Variants in SHQ1 observed in about 807,000 individuals in gnomAD.
SHQ1 encodes the protein protein SHQ1 homolog.
In SHQ1, 49 loss-of-function variants were observed where a neutral mutation model predicts 53.8. The ratio of observed to expected loss-of-function variants is 0.91; its 90% confidence interval spans 0.72 to 1.16. SHQ1 has a LOEUF of 1.16. SHQ1 is among the 50% of genes most tolerant of loss of function. The pLI, the probability that SHQ1 is intolerant of heterozygous loss-of-function variation, is 0.00. For synonymous variants in SHQ1, 243 were observed against 251.0 expected (o/e 0.97, Z 0.30); for missense variants, 738 against 683.1 (o/e 1.08, Z -0.90).
intron 8 of SHQ1, among the ~76,000 whole-genome samples, chr3:72,813,237 C>A (rs1046478011): frequency 2.0e-5 from 3 of 151,950 alleles, no homozygotes; most frequent in African/African-American, 7.3e-5. Flanking sequence ...GGACTCCAGG[C>A]GGGTGGATCA....
At chr3:72,828,380 C>T (rs530874714) in intron 5 of SHQ1, among the ~76,000 whole-genome samples, 2 of 152,142 alleles carry the variant, frequency 1.3e-5, no homozygotes, top group African/African-American at 4.8e-5. Context: ...AAAGGGATAC[C>T]ATGATAAAAG....
chr3:72,824,781 T>C (rs1707597056), intron 5 of SHQ1, among the ~76,000 whole-genome samples: 1 of 134,990 alleles, frequency 7.4e-6, no homozygotes, highest in Admixed American at 7.5e-5. Flanking sequence ...ATAACATTGC[T>C]GATCTCTTTT....
At chr3:72,746,593 T>A (rs1482702523), downstream of SHQ1, among the ~76,000 whole-genome samples, 1 of 152,214 alleles carries the variant, frequency 6.6e-6, no homozygotes, top group Non-Finnish European at 1.5e-5. Flanking sequence ...TCACTCACGT[T>A]GTCTTTAATA....
chr3:72,816,099 G>A (rs192658287), intron 7 of SHQ1, among the ~76,000 whole-genome samples: 5 of 152,158 alleles, frequency 3.3e-5, no homozygotes, highest in Admixed American at 2.6e-4. Flanking sequence ...AGTCATCTTG[G>A]AGTCAGACAC....
chr3:72,845,811 C>T (rs889841860), intron 1 of SHQ1, among the ~76,000 whole-genome samples: 4 of 152,128 alleles, frequency 2.6e-5, no homozygotes, highest in Non-Finnish European at 4.4e-5. Context: ...GACCTTTAAT[C>T]CCAAGGTTTC....
At chr3:72,726,758 C>T in the SHQ1 span, among the ~76,000 whole-genome samples, 13 of 152,160 alleles carry the variant, frequency 8.5e-5, no homozygotes, top group Admixed American at 6.5e-5. Context: ...TGAGACACCT[C>T]GGGATGATTG....
the SHQ1 span, among the ~76,000 whole-genome samples, chr3:72,740,214 G>A: frequency 6.6e-6 from 1 of 152,210 alleles, no homozygotes; most frequent in East Asian, 1.9e-4. Context: ...CATTTCAGTG[G>A]CCAGTGATGA....
At chr3:72,763,078 G>A (rs370990276) in intron 10 of SHQ1, among the ~76,000 whole-genome samples, 82 of 151,918 alleles carry the variant, frequency 5.4e-4, no homozygotes, top group African/African-American at 2.0e-3. Context: ...GAGAGAGAGA[G>A]AGAGAGAGAA....
chr3:72,753,705 G>C (rs939683145), intron 10 of SHQ1: 1 of 867,964 alleles, frequency 1.2e-6, no homozygotes, highest in Admixed American at 6.2e-5. Context: ...ATCCACTAGA[G>C]TCAGTTAATG....
the SHQ1 span, among the ~76,000 whole-genome samples, chr3:72,739,686 G>C: frequency 2.6e-5 from 4 of 152,234 alleles, no homozygotes; most frequent in East Asian, 5.8e-4. Flanking sequence ...CAGAAAACCA[G>C]GATGTGTCAG....
In SHQ1 at chr3:72,812,692, T is replaced by G; in HGVS notation, c.1039A>C (p.Thr347Pro). ...FKLVMKAYRD[T>P]IKILQLGKSA... ...TTACCCAGTTGCAATATCTTTATAG[T>G]GTCCCTGTAGGCCTTCATCACCAGC... Residue 347 changes from threonine to proline, a missense_variant, in exon 9 of 11, where the codon ACT (threonine) becomes CCT (proline). Transcript: ENST00000325599. 1 of 1,614,094 alleles carries G rather than the reference T, an allele frequency of 6.2e-7. No homozygotes were observed. Among genetic ancestry groups the G allele is most frequent in the Non-Finnish European group, 8.5e-7 (1 of 1,179,970 alleles).
At chr3:72,771,420 T>C (rs1340420512) in intron 10 of SHQ1, among the ~76,000 whole-genome samples, 1 of 152,210 alleles carries the variant, frequency 6.6e-6, no homozygotes, top group African/African-American at 2.4e-5. Context: ...GCAAAGATTG[T>C]GAACTAGCTA....
chr3:72,815,213 T>A, intron 8 of SHQ1, 137 bp downstream of exon 8: 3 of 681,822 alleles, frequency 4.4e-6, no homozygotes, highest in Non-Finnish European at 2.5e-6. Flanking sequence ...ATTAAAAAGA[T>A]GGAAAACATA....
At chr3:72,763,614 C>T (rs138469776) in intron 10 of SHQ1, among the ~76,000 whole-genome samples, 1 of 152,288 alleles carries the variant, frequency 6.6e-6, no homozygotes, top group African/African-American at 2.4e-5. Context: ...AGGGAAGGAC[C>T]TCAGTCCACC....
intron 5 of SHQ1, among the ~76,000 whole-genome samples, chr3:72,826,094 A>T (rs1434395829): frequency 1.3e-4 from 20 of 152,212 alleles, no homozygotes; most frequent in Non-Finnish European, 1.5e-5. Flanking sequence ...AGACATACTG[A>T]ACTCTTACTT....
rs1378821883 is a variant in SHQ1 at position 72,801,142 on chromosome 3, A to C, written c.1061-8106T>G. Among the ~76,000 whole-genome samples, 6 of 54,576 alleles carry C rather than the reference A, an allele frequency of 1.1e-4. No homozygotes were observed. In the African/African-American group the frequency reaches 4.0e-3, roughly 37 times the overall value. The allele number at this position is 54,576 out of a possible 152,430, so 35.8% of individuals were successfully genotyped here. On this transcript the variant is annotated intron_variant, in intron 9 of 10. Transcript: ENST00000325599. ...GCATCCAAGTTCAAGGTAGAACATT[A>C]AAAAAAAAAATCTCTGTCTACACAG...
At chr3:72,785,279 C>T (rs936815930) in intron 10 of SHQ1, among the ~76,000 whole-genome samples, 3 of 152,188 alleles carry the variant, frequency 2.0e-5, no homozygotes, top group African/African-American at 7.2e-5. Context: ...AGGGGATAAC[C>T]TATAGTCACC....
At chr3:72,813,082 G>A (rs1036651186) in intron 8 of SHQ1, among the ~76,000 whole-genome samples, 1 of 152,070 alleles carries the variant, frequency 6.6e-6, no homozygotes, top group Non-Finnish European at 1.5e-5. Flanking sequence ...AAAACACATG[G>A]CATTAACAAA....
At chr3:72,786,928 G>A (rs1460819629) in intron 10 of SHQ1, among the ~76,000 whole-genome samples, 5 of 152,212 alleles carry the variant, frequency 3.3e-5, no homozygotes. Context: ...CCAGAAGGAA[G>A]AGATGTATGT....
Sources: gnomAD v4.1 joint callset for allele counts (sites outside exome capture counted in the v4.1 genomes callset) on GRCh38, gnomAD v4.1.1 for gene constraint, MANE v1.5 for transcripts, NCBI Gene and HGNC (gene_info 2026-07-23, HGNC 2026-07-21) for gene names.